MED13: variants seen among roughly 807,000 people sequenced by gnomAD.
MED13 encodes the protein mediator of RNA polymerase II transcription subunit 13.
MED13 carries 23 observed loss-of-function variants against 225.2 expected under a neutral mutation model. That is an observed-to-expected ratio of 0.10 (90% confidence interval 0.07 to 0.14). The LOEUF (loss-of-function observed/expected upper bound fraction) is 0.14. Ranked by LOEUF, MED13 falls within the 10% of genes least tolerant of loss-of-function variation. The pLI, the probability that MED13 is intolerant of heterozygous loss-of-function variation, is 1.00. For synonymous variants in MED13, 942 were observed against 889.2 expected, an observed-to-expected ratio of 1.06 and a Z score of -1.06; for missense variants, 2,197 against 2,594.5, an observed-to-expected ratio of 0.85 and a Z score of 3.33.
chr17:61,995,285 G>A lies in MED13; in HGVS notation c.2048C>T (p.Ser683Leu). 3 of 1,613,728 alleles carry A rather than the reference G, an allele frequency of 1.9e-6. No individual in the cohort carries two copies. The highest frequency in any genetic ancestry group is 2.5e-6 in the Non-Finnish European group (3 of 1,179,890). Residue 683 changes from serine to leucine, a missense_variant, in exon 10 of 30, where the codon TCA (serine) becomes TTA (leucine). By Grantham distance (145) the Ser-to-Leu change is moderately radical (BLOSUM62 -2). This residue lies in a region of MED13 where 884 missense variants were observed against 918.5 expected (regional missense o/e 0.96). Transcript: ENST00000397786. Reference sequence around the variant, plus strand: ...TTGTTCTGCATCAGATGCTATTGCTGAAAGACACTGGTTTTTAATTTGATA... The same window carrying A: ...TTGTTCTGCATCAGATGCTATTGCTAAAAGACACTGGTTTTTAATTTGATA... ...QQYQIKNQCL[S>L]AIASDAEQEP... is the part of the protein sequence containing the mutation.
intron 16 of MED13, among the ~76,000 whole-genome samples, chr17:61,975,695 T>C (rs962389925): frequency 1.3e-5 from 2 of 152,094 alleles, no homozygotes; most frequent in Non-Finnish European, 2.9e-5. Context: ...CACTCCAGCC[T>C]GGATGACAGA....
intron 8 of MED13, among the ~76,000 whole-genome samples, chr17:62,024,382 C>T (rs543775097): frequency 4.1e-4 from 63 of 152,210 alleles, no homozygotes; most frequent in African/African-American, 1.4e-3. Flanking sequence ...ACCTGTGTTG[C>T]CAACATGCAT....
intron 3 of MED13, among the ~76,000 whole-genome samples, chr17:62,042,142 G>A (rs1167085612): frequency 6.6e-6 from 1 of 152,074 alleles, no homozygotes; most frequent in Non-Finnish European, 1.5e-5. Flanking sequence ...CCAGTATCAG[G>A]TATTATTAAC....
intron 15 of MED13, 132 bp from the exon 16 acceptor site, chr17:61,983,246 A>G: frequency 1.4e-6 from 1 of 708,996 alleles, no homozygotes; most frequent in Non-Finnish European, 2.2e-6. Flanking sequence ...GTATTGCAAG[A>G]ATTACAAGCA....
At chr17:62,027,481 G>A (rs1481764002) in intron 8 of MED13, among the ~76,000 whole-genome samples, 1 of 152,040 alleles carries the variant, frequency 6.6e-6, no homozygotes, top group Non-Finnish European at 1.5e-5. Flanking sequence ...AAAAACCCTG[G>A]AAGACAACCT....
At position 61,992,533 on chromosome 17, in the gene MED13, A is replaced by AT. The variant is rs1030604956; in HGVS notation, c.2263+6dup. 4 of 1,584,596 alleles carry AT rather than the reference A, an allele frequency of 2.5e-6. No homozygotes were observed. Among genetic ancestry groups the AT allele is most frequent in the Non-Finnish European group, 3.5e-6 (4 of 1,154,000 alleles). On this transcript the variant is annotated splice_region_variant and intron_variant, in intron 11 of 29. Coordinates refer to ENST00000397786, the MANE Select transcript of MED13 (RefSeq NM_005121.3). ...GCAATATTTTCATTAGGAAATAAAG[A>AT]TTTTACCTTGCTTGATAGAGGGACT...
chr17:62,042,822 G>C (rs568432613), intron 3 of MED13, among the ~76,000 whole-genome samples: 2 of 151,674 alleles, frequency 1.3e-5, no homozygotes, highest in Non-Finnish European at 2.9e-5. Flanking sequence ...GGACAGATTT[G>C]TAAGAGTCTA....
intron 3 of MED13, among the ~76,000 whole-genome samples, chr17:62,040,752 G>C (rs1475092071): frequency 6.6e-6 from 1 of 152,184 alleles, no homozygotes; most frequent in African/African-American, 2.4e-5. Flanking sequence ...CTCCAAAAAT[G>C]ATATAAAAAT....
At chr17:62,026,406 A>G (rs1331013189) in intron 8 of MED13, among the ~76,000 whole-genome samples, 1 of 151,752 alleles carries the variant, frequency 6.6e-6, no homozygotes, top group South Asian at 2.1e-4. Context: ...TCTTATTTCA[A>G]CATTTCACCT....
intron 8 of MED13, 82 bp from the exon 9 acceptor site, chr17:62,011,315 T>TG: frequency 5.2e-6 from 6 of 1,161,222 alleles, no homozygotes; most frequent in South Asian, 2.0e-5. Context: ...TATTAGACAC[T>TG]TCGGTTATCA....
chr17:62,010,976 T>C lies in MED13; in HGVS notation c.1541A>G (p.Asn514Ser). ...CATCTGAGGAGTCTTTGCTACATCA[T>C]TAGTTCGGATATTTGAAAATCTCAC... ...SQVRFSNIRTNDVAKTPQMHG... is the reference protein window; with the variant it reads ...SQVRFSNIRTSDVAKTPQMHG... The change falls in exon 9 of 30, where the codon AAT becomes AGT. Residue 514 changes from asparagine to serine, a missense_variant. Around this residue, in one of 12 missense-constraint regions of MED13, gnomAD observed 884 missense variants for 918.5 expected, o/e 0.96. Transcript: ENST00000397786. 6.2e-7 allele frequency: 1 copy of C among 1,613,532 alleles called. No homozygotes were observed. The highest frequency in any genetic ancestry group is 8.5e-7 in the Non-Finnish European group (1 of 1,179,440).
chr17:62,000,447 C>T (rs780266122), intron 9 of MED13, among the ~76,000 whole-genome samples: 5 of 152,128 alleles, frequency 3.3e-5, no homozygotes, highest in Admixed American at 1.3e-4. Context: ...CACATGTTTA[C>T]GATGTACTCA....
At chr17:62,021,448 C>T (rs1203489250) in intron 8 of MED13, among the ~76,000 whole-genome samples, 33 of 114,510 alleles carry the variant, frequency 2.9e-4, no homozygotes, top group African/African-American at 1.1e-3. Context: ...CCGGACGGGG[C>T]GGCTGGCCGG....
chr17:61,961,905 T>A, intron 21 of MED13, 126 bp from the exon 22 acceptor site: 2 of 914,760 alleles, frequency 2.2e-6, no homozygotes, highest in Non-Finnish European at 3.3e-6. Context: ...AATGAAAATT[T>A]AACGATTGTT....
At chr17:62,014,409 T>C (rs1024180904) in intron 8 of MED13, among the ~76,000 whole-genome samples, 7 of 151,692 alleles carry the variant, frequency 4.6e-5, no homozygotes, top group Non-Finnish European at 1.0e-4. Flanking sequence ...CTCTGGCTCC[T>C]GCGTTCAAGC....
At chr17:61,952,175 G>A (rs1032224424) in intron 27 of MED13, among the ~76,000 whole-genome samples, 4 of 152,144 alleles carry the variant, frequency 2.6e-5, no homozygotes, top group African/African-American at 9.6e-5. Flanking sequence ...TTACAGACGT[G>A]AGCCACCGCG....
intron 8 of MED13, among the ~76,000 whole-genome samples, chr17:62,025,540 C>A (rs1178100818): frequency 1.3e-5 from 2 of 152,024 alleles, no homozygotes; most frequent in African/African-American, 4.8e-5. Context: ...TATGGTGGCG[C>A]GTGCCTATAG....
rs956262013 is a variant in MED13 at position 62,035,506 on chromosome 17, T to C, written c.573A>G (p.Glu191=). The part of the protein sequence containing the change: ...NQHQPVYLLS[E]EHITLAQQSN... The stretch of plus-strand genomic sequence containing the variant: ...ACTGTTGAGCAAGGGTGATATGCTC[T>C]TCACTGAGAAGGTATACAGGTTGAT... Residue 191 remains glutamate (E), a synonymous_variant, in exon 4 of 30, where the codon GAA becomes GAG. Coordinates refer to ENST00000397786, the MANE Select transcript of MED13 (RefSeq NM_005121.3). The C allele has an allele frequency of 6.2e-7, 1 of 1,613,324 alleles. No individual in the cohort carries two copies. Among genetic ancestry groups the C allele is most frequent in the African/African-American group, 1.3e-5 (1 of 74,912 alleles).
chr17:61,978,905 A>G (rs569287883), intron 16 of MED13, among the ~76,000 whole-genome samples: 61 of 152,272 alleles, frequency 4.0e-4, no homozygotes, highest in Non-Finnish European at 2.4e-4. Flanking sequence ...GTCCTCTTAC[A>G]TTTCAAAAAT....
Sources: gnomAD v4.1 joint callset for allele counts (sites outside exome capture counted in the v4.1 genomes callset) on GRCh38, gnomAD v4.1.1 for gene constraint, gnomAD v4.1.1 regional missense constraint, MANE v1.5 for transcripts, NCBI Gene and HGNC (gene_info 2026-07-23, HGNC 2026-07-21) for gene names.